FOXP2: variants seen among roughly 807,000 people sequenced by gnomAD.
The protein encoded by FOXP2 is forkhead box protein P2.
Under a neutral mutation model 115.8 loss-of-function variants are expected in FOXP2, and 12 were observed. That is an observed-to-expected ratio of 0.10 (90% CI 0.07 to 0.17). The LOEUF is 0.17. Ranked by LOEUF, FOXP2 falls within the 10% of genes least tolerant of loss-of-function variation. The pLI is 1.00. For missense variants in FOXP2, 629 were observed against 843.5 expected (o/e 0.75, Z 3.15); for synonymous variants, 328 against 297.7 (o/e 1.10, Z -1.05).
intron 2 of FOXP2, among the ~76,000 whole-genome samples, chr7:114,512,730 A>G (rs1015559604): frequency 2.0e-5 from 3 of 152,186 alleles, no homozygotes; most frequent in Non-Finnish European, 4.4e-5. Context: ...TTTAAAAATT[A>G]GTAGTATAGT....
chr7:114,269,470 G>C (rs1245171221), intron 1 of FOXP2, among the ~76,000 whole-genome samples: 1 of 151,990 alleles, frequency 6.6e-6, no homozygotes, highest in African/African-American at 2.4e-5. Context: ...CTGTCACCCA[G>C]GCTGTAGTAC....
intron 1 of FOXP2, among the ~76,000 whole-genome samples, chr7:114,089,162 T>C (rs918391475): frequency 1.3e-5 from 2 of 152,144 alleles, no homozygotes; most frequent in Admixed American, 6.5e-5. Context: ...TATTTCATTG[T>C]TATCTAAAAT....
intron 1 of FOXP2, among the ~76,000 whole-genome samples, chr7:114,284,963 T>A (rs1796430351): frequency 6.6e-6 from 1 of 151,952 alleles, no homozygotes; most frequent in Admixed American, 6.6e-5. Context: ...CACTTACGAA[T>A]GGGAGCTAAA....
chr7:114,294,240 C>T (rs1285294685), intron 2 of FOXP2, among the ~76,000 whole-genome samples: 4 of 152,154 alleles, frequency 2.6e-5, no homozygotes, highest in Admixed American at 1.3e-4. Flanking sequence ...TGACTGCGTA[C>T]GTCTGCATGC....
chr7:114,108,980 C>A (rs955099246), intron 1 of FOXP2, among the ~76,000 whole-genome samples: 2 of 151,866 alleles, frequency 1.3e-5, no homozygotes, highest in African/African-American at 4.8e-5. Flanking sequence ...AAGGTAATTT[C>A]ATAAAACAAT....
chr7:114,236,347 A>C (rs564455436), intron 1 of FOXP2, among the ~76,000 whole-genome samples: 70 of 152,328 alleles, frequency 4.6e-4, no homozygotes, highest in Non-Finnish European at 2.9e-5. Flanking sequence ...GGAAATTTTT[A>C]TATTCATTTA....
chr7:114,327,288 TTGAA>T (rs373735644), intron 2 of FOXP2, among the ~76,000 whole-genome samples: 5 of 152,272 alleles, frequency 3.3e-5, no homozygotes, highest in East Asian at 1.9e-4. Context: ...GAATGAATAC[TTGAA>T]TGAATGAATG....
chr7:114,172,474 A>G (rs2129153175), intron 1 of FOXP2, among the ~76,000 whole-genome samples: 1 of 152,302 alleles, frequency 6.6e-6, no homozygotes, highest in South Asian at 2.1e-4. Flanking sequence ...CCTGTACAAA[A>G]CAAAGAGTGA....
intron 2 of FOXP2, among the ~76,000 whole-genome samples, chr7:114,382,732 G>A (rs1464897119): frequency 1.3e-5 from 2 of 151,996 alleles, no homozygotes; most frequent in Non-Finnish European, 1.5e-5. Context: ...TTTTTCTAAT[G>A]TCTGCAGCTA....
At chr7:114,458,546 C>CTTTTTTTT (rs1177402028) in intron 2 of FOXP2, among the ~76,000 whole-genome samples, 12 of 113,418 alleles carry the variant, frequency 1.1e-4, no homozygotes, top group East Asian at 2.5e-4. Flanking sequence ...ATTTTCTTTT[C>CTTTTTTTT]TTTTTTTTTT....
At chr7:114,525,408 G>C (rs980384863) in intron 2 of FOXP2, among the ~76,000 whole-genome samples, 2 of 152,168 alleles carry the variant, frequency 1.3e-5, no homozygotes, top group Non-Finnish European at 2.9e-5. Flanking sequence ...AAAGTAAGTA[G>C]TTCTTCATTT....
intron 1 of FOXP2, among the ~76,000 whole-genome samples, chr7:114,098,057 A>C (rs1799688343): frequency 6.6e-6 from 1 of 152,250 alleles, no homozygotes; most frequent in African/African-American, 2.4e-5. Flanking sequence ...GACATAGAGC[A>C]TGAAAAGTGG....
chr7:114,433,131 A>G (rs77221237), intron 2 of FOXP2, among the ~76,000 whole-genome samples: 1,886 of 152,112 alleles, frequency 0.012, 16 homozygotes, highest in Non-Finnish European at 0.02. Context: ...GACGTTTATA[A>G]TACAACAGGT....
chr7:114,351,685 T>C (rs926622281), intron 2 of FOXP2, among the ~76,000 whole-genome samples: 1 of 152,140 alleles, frequency 6.6e-6, no homozygotes, highest in Non-Finnish European at 1.5e-5. Context: ...TTCTATGGTA[T>C]ATTATCTTAC....
At chr7:114,391,594 A>C (rs997216165) in intron 2 of FOXP2, among the ~76,000 whole-genome samples, 5 of 152,202 alleles carry the variant, frequency 3.3e-5, no homozygotes, top group African/African-American at 9.7e-5. Context: ...GCTTGTTCCA[A>C]GGTCTTGATA....
chr7:114,689,105 T>G (rs1808524986), intron 16 of FOXP2, among the ~76,000 whole-genome samples: 1 of 152,192 alleles, frequency 6.6e-6, no homozygotes. Context: ...AACTTCAGCA[T>G]ATACGTTGTT....
At chr7:114,633,320 T>A (rs1434590553) in intron 6 of FOXP2, among the ~76,000 whole-genome samples, 1 of 152,148 alleles carries the variant, frequency 6.6e-6, no homozygotes, top group Non-Finnish European at 1.5e-5. Context: ...CAAATAGAAA[T>A]TACCTGAATT....
At chr7:114,310,235 C>T (rs545325974) in intron 2 of FOXP2, among the ~76,000 whole-genome samples, 1 of 152,336 alleles carries the variant, frequency 6.6e-6, no homozygotes, top group East Asian at 1.9e-4. Flanking sequence ...ATTGAGTTAG[C>T]AGCTTTACCT....
At chr7:114,288,237 C>T (rs532963751) in intron 2 of FOXP2, 27 of 381,440 alleles carry the variant, frequency 7.1e-5, no homozygotes, top group South Asian at 2.9e-4. Flanking sequence ...TTGTTTTCAG[C>T]GGACAATTGA....
Sources: gnomAD v4.1 joint callset for allele counts (sites outside exome capture counted in the v4.1 genomes callset) on GRCh38, gnomAD v4.1.1 for gene constraint, MANE v1.5 for transcripts, NCBI Gene and HGNC (gene_info 2026-07-23, HGNC 2026-07-21) for gene names.